The following CCDC73 variants were observed in gnomAD, a reference collection of about 807,000 sequenced individuals.
CCDC73 encodes coiled-coil domain-containing protein 73.
In CCDC73, 95 loss-of-function variants were observed where a neutral mutation model predicts 116.5. The ratio of observed to expected loss-of-function variants is 0.82; its 90% CI spans 0.69 to 0.97. The LOEUF is 0.97. CCDC73 is among the 50% of genes least tolerant of loss of function. The probability of loss-of-function intolerance (pLI) is 0.00; values close to 1 mark genes in which losing one functional copy is unlikely to be tolerated. For missense variants in CCDC73, 1,066 were observed against 1,206.8 expected (o/e 0.88, Z 1.73); for synonymous variants, 398 against 401.3 (o/e 0.99, Z 0.10).
intron 1 of CCDC73, among the ~76,000 whole-genome samples, chr11:32,778,640 C>A (rs181366266): frequency 6.6e-6 from 1 of 151,840 alleles, no homozygotes; most frequent in Non-Finnish European, 1.5e-5. Flanking sequence ...GGTGAAACCC[C>A]GTCTCTACTA....
chr11:32,723,467 C>A (rs1463855950), intron 2 of CCDC73, among the ~76,000 whole-genome samples: 3 of 152,112 alleles, frequency 2.0e-5, no homozygotes, highest in Non-Finnish European at 4.4e-5. Context: ...ACATGAGAAA[C>A]TGAGTTGAGC....
chr11:32,800,855 T>C, the CCDC73 span, among the ~76,000 whole-genome samples: 3 of 152,128 alleles, frequency 2.0e-5, no homozygotes, highest in African/African-American at 4.8e-5. Context: ...AAGTCAACAC[T>C]TTAGGGGCAA....
At chr11:32,745,281 G>C (rs1590626488) in intron 2 of CCDC73, among the ~76,000 whole-genome samples, 1 of 152,066 alleles carries the variant, frequency 6.6e-6, no homozygotes, top group Admixed American at 6.6e-5. Context: ...AGTTTGTTGT[G>C]ATTTCTGTTC....
At chr11:32,734,334 C>T (rs1042507877) in intron 2 of CCDC73, among the ~76,000 whole-genome samples, 2 of 151,952 alleles carry the variant, frequency 1.3e-5, no homozygotes, top group African/African-American at 4.8e-5. Context: ...TCGAATTCTA[C>T]CAGAGGTACA....
chr11:32,706,657 G>C (rs1296575948), intron 3 of CCDC73, among the ~76,000 whole-genome samples: 1 of 152,114 alleles, frequency 6.6e-6, no homozygotes, highest in East Asian at 1.9e-4. Context: ...AACTTGCAAA[G>C]AGAAATTTCT....
At chr11:32,684,874 G>T (rs1856180087) in intron 6 of CCDC73, among the ~76,000 whole-genome samples, 1 of 151,992 alleles carries the variant, frequency 6.6e-6, no homozygotes, top group Non-Finnish European at 1.5e-5. Context: ...CAGCTACTCG[G>T]GAGGCTGAGG....
intron 2 of CCDC73, among the ~76,000 whole-genome samples, chr11:32,722,849 A>G (rs550519079): frequency 1.6e-3 from 247 of 152,296 alleles, no homozygotes; most frequent in African/African-American, 5.7e-3. Context: ...ACATAATATA[A>G]TGAGGTAGGT....
At chr11:32,774,830 G>C (rs1850519743) in intron 1 of CCDC73, among the ~76,000 whole-genome samples, 1 of 152,154 alleles carries the variant, frequency 6.6e-6, no homozygotes, top group South Asian at 2.1e-4. Flanking sequence ...CTTCAGGATA[G>C]AGTTCACAAT....
intron 14 of CCDC73, among the ~76,000 whole-genome samples, chr11:32,634,995 T>C (rs577076777): frequency 1.3e-5 from 2 of 152,226 alleles, no homozygotes; most frequent in South Asian, 4.1e-4. Context: ...AGAACAATTA[T>C]AAAAATTGTA....
At chr11:32,615,535 A>G (rs1855466237) in intron 15 of CCDC73, among the ~76,000 whole-genome samples, 1 of 152,194 alleles carries the variant, frequency 6.6e-6, no homozygotes, top group Non-Finnish European at 1.5e-5. Flanking sequence ...TCAACTTTTT[A>G]GTATAGTTAA....
chr11:32,753,293 C>CTTT (rs11309977), intron 2 of CCDC73, among the ~76,000 whole-genome samples: 7 of 127,806 alleles, frequency 5.5e-5, no homozygotes, highest in Non-Finnish European at 6.6e-5. Flanking sequence ...TTCTTTTCTG[C>CTTT]TTTTTTTTTT....
At chr11:32,734,692 C>A (rs1031266362) in intron 2 of CCDC73, among the ~76,000 whole-genome samples, 26 of 151,970 alleles carry the variant, frequency 1.7e-4, no homozygotes, top group African/African-American at 6.3e-4. Context: ...ATCCTGATAC[C>A]AAAGCCTGGC....
At chr11:32,634,093 G>A (rs934161784) in intron 14 of CCDC73, among the ~76,000 whole-genome samples, 1 of 151,354 alleles carries the variant, frequency 6.6e-6, no homozygotes, top group Non-Finnish European at 1.5e-5. Context: ...AGCTCCACTG[G>A]TGAATTAGAC....
At chr11:32,823,533 G>A in the CCDC73 span, among the ~76,000 whole-genome samples, 4 of 151,776 alleles carry the variant, frequency 2.6e-5, no homozygotes, top group Non-Finnish European at 5.9e-5. Context: ...AAAAATTTGA[G>A]GCAGTGGCAG....
rs1856223913 is a variant in CCDC73, at chr11:32,688,293, T to C, written c.391-4719A>G. 1.3e-5 allele frequency among the ~76,000 whole-genome samples: 2 copies of C among 152,118 alleles called. 1 individual carries two copies. Among genetic ancestry groups the C allele is most frequent in the South Asian group, 4.1e-4 (2 of 4,822 alleles). Reference sequence around the variant, plus strand: ...CTGTGATATTCCTTCCAGAGATACATAAACTGAATCTAACCATGAGGAAAC... The same window carrying C: ...CTGTGATATTCCTTCCAGAGATACACAAACTGAATCTAACCATGAGGAAAC... On this transcript the variant is annotated intron_variant, in intron 6 of 17. Coordinates refer to ENST00000335185, the MANE Select transcript of CCDC73 (RefSeq NM_001008391.4).
chr11:32,680,297 A>G (rs148485924), intron 7 of CCDC73: 28 of 152,370 alleles, frequency 1.8e-4, no homozygotes, highest in Admixed American at 5.2e-4. Context: ...TTAATGTATT[A>G]TAAGGCTATT....
At chr11:32,766,441 T>G (rs1384819251) in intron 1 of CCDC73, among the ~76,000 whole-genome samples, 6 of 152,146 alleles carry the variant, frequency 3.9e-5, no homozygotes, top group Admixed American at 3.9e-4. Context: ...CAACATAGTG[T>G]TGGAAGTTCT....
intron 2 of CCDC73, among the ~76,000 whole-genome samples, chr11:32,733,924 C>A (rs553114094): frequency 2.0e-5 from 3 of 152,096 alleles, no homozygotes; most frequent in Admixed American, 6.5e-5. Context: ...AAGATCAGAG[C>A]AGAACTGAAG....
At chr11:32,782,117 G>A (rs1165720835) in intron 1 of CCDC73, among the ~76,000 whole-genome samples, 2 of 152,156 alleles carry the variant, frequency 1.3e-5, no homozygotes, top group Non-Finnish European at 2.9e-5. Context: ...ATGATGATCT[G>A]TCACTGTCTC....
Sources: gnomAD v4.1 joint callset for allele counts (sites outside exome capture counted in the v4.1 genomes callset) on GRCh38, gnomAD v4.1.1 for gene constraint, MANE v1.5 for transcripts, NCBI Gene and HGNC (gene_info 2026-07-23, HGNC 2026-07-21) for gene names.